NEK4: variants seen among roughly 807,000 people sequenced by gnomAD.
NEK4 encodes serine/threonine-protein kinase Nek4.
NEK4 carries 86 observed loss-of-function variants against 98.4 expected under a neutral mutation model. That is an observed-to-expected ratio of 0.87 (90% confidence interval 0.73 to 1.05). The LOEUF (loss-of-function observed/expected upper bound fraction) is 1.05, where lower values mean the gene tolerates loss of function less well. NEK4 is among the 50% of genes least tolerant of loss of function. NEK4 has a pLI of 0.00. For synonymous variants in NEK4, 328 were observed against 342.2 expected, an observed-to-expected ratio of 0.96 and a Z score of 0.46; for missense variants, 898 against 950.3, an observed-to-expected ratio of 0.94 and a Z score of 0.72.
At position 52,752,245 on chromosome 3, in the gene NEK4, T is replaced by C. The variant is rs1415474762; in HGVS notation, c.1055A>G (p.Asp352Gly). Reference protein sequence around the residue: ...ASLKAHTCKQDLSNTTELATI... With the variant: ...ASLKAHTCKQGLSNTTELATI... Reference sequence around the variant, plus strand: ...GGCTAGTTCTGTGGTATTGCTCAAGTCCTGTTTGCAGGTATGGGCTTTCAG... The same window carrying C: ...GGCTAGTTCTGTGGTATTGCTCAAGCCCTGTTTGCAGGTATGGGCTTTCAG... Residue 352 changes from aspartate to glycine, a missense_variant, in exon 7 of 16, where the codon GAC (aspartate) becomes GGC (glycine). By Grantham distance (94) the Asp-to-Gly change is moderately conservative. Coordinates refer to ENST00000233027, the MANE Select transcript of NEK4 (RefSeq NM_003157.6). The C allele has an allele frequency of 1.9e-6, 3 of 1,614,098 alleles. No homozygotes were observed. The highest frequency in any genetic ancestry group is 1.1e-5 in the South Asian group (1 of 91,088).
rs563723629 is a variant in NEK4 at position 52,729,744 on chromosome 3, C to CAAA, written c.2433+7839_2433+7841dup. ...AAAAAGATTGCTTCACTTGACTAGCCAAAAAAAAAAAAAAGACTCAAATTA... is the reference window on the plus strand; with the variant it reads ...AAAAAGATTGCTTCACTTGACTAGCCAAAAAAAAAAAAAAAAAGACTCAAATTA... On this transcript the variant is annotated intron_variant, in intron 15 of 15. Transcript: ENST00000233027. Among the ~76,000 whole-genome samples the CAAA allele has an allele frequency of 4.3e-5, 4 of 93,458 alleles. No homozygotes were observed. In the South Asian group the frequency reaches 1.5e-3, roughly 34 times the overall value. 61.3% of individuals were successfully genotyped at this position (93,458 alleles called of 152,430 possible). A position where few individuals can be genotyped will look rare whatever the true frequency, so the allele number is the denominator to read the frequency against.
In NEK4 at chr3:52,766,335, GT is replaced by G; in HGVS notation, c.400del (p.Thr134LeufsTer6). 1 of 1,613,976 alleles carries G rather than the reference GT, an allele frequency of 6.2e-7. No homozygotes were observed. The highest frequency in any genetic ancestry group is 8.5e-7 in the Non-Finnish European group (1 of 1,179,902). On this transcript the variant is annotated frameshift_variant, in exon 3 of 16. Coordinates refer to ENST00000233027, the MANE Select transcript of NEK4 (RefSeq NM_003157.6). LOFTEE classifies it high-confidence loss of function. ...TGTTCTTGTTAGGAAGACATTTTGA[GT>G]TTTCAGATCTCGATGAAGGATGTGT... The part of the protein sequence containing the change: ...EKHILHRDLK[T>X]QNVFLTRTNI...
chr3:52,757,331 G>T (rs538610814), intron 6 of NEK4, among the ~76,000 whole-genome samples: 1 of 152,316 alleles, frequency 6.6e-6, no homozygotes, highest in East Asian at 1.9e-4. Context: ...GCCAAGGCGG[G>T]TGGATTACCT....
chr3:52,755,399 T>G (rs991874075), intron 6 of NEK4, among the ~76,000 whole-genome samples: 2 of 151,836 alleles, frequency 1.3e-5, no homozygotes, highest in Non-Finnish European at 2.9e-5. Flanking sequence ...TATGTACTAT[T>G]AGACCACATT....
intron 15 of NEK4, among the ~76,000 whole-genome samples, chr3:52,726,949 A>C (rs2097365172): frequency 6.7e-6 from 1 of 149,090 alleles, no homozygotes; most frequent in African/African-American, 2.5e-5. Context: ...AACCAACTAG[A>C]TCTAACAGGC....
chr3:52,759,088 C>A (rs1194283198), intron 6 of NEK4, among the ~76,000 whole-genome samples: 1 of 133,174 alleles, frequency 7.5e-6, no homozygotes, highest in Non-Finnish European at 1.6e-5. Flanking sequence ...AAGATCCTCT[C>A]TTAAAAAAAG....
chr3:52,766,359 T>G lies in NEK4; in HGVS notation c.377A>C (p.His126Pro). 6.2e-7 allele frequency: 1 copy of G among 1,612,134 alleles called. No individual in the cohort carries two copies. The highest frequency in any genetic ancestry group is 8.5e-7 in the Non-Finnish European group (1 of 1,178,154). ...AMALQYLHEK[H>P]ILHRDLKTQN... Reference sequence around the variant, plus strand: ...AGTTTTCAGATCTCGATGAAGGATGTGTTTTTCATGTAAATACTGAGGAAA... The same window carrying G: ...AGTTTTCAGATCTCGATGAAGGATGGGTTTTTCATGTAAATACTGAGGAAA... Residue 126 changes from histidine to proline, a missense_variant, in exon 3 of 16, where the codon CAC (histidine) becomes CCC (proline). Physicochemically the swap from His to Pro is moderately conservative, Grantham distance 77 (BLOSUM62 -2). Transcript: ENST00000233027.
chr3:52,727,767 A>T (rs1373616677), intron 15 of NEK4, among the ~76,000 whole-genome samples: 1 of 152,246 alleles, frequency 6.6e-6, no homozygotes, highest in Non-Finnish European at 1.5e-5. Flanking sequence ...CACTGTGCCC[A>T]GTCTAAATAA....
intron 15 of NEK4, among the ~76,000 whole-genome samples, chr3:52,731,807 C>T (rs893839402): frequency 2.0e-5 from 3 of 152,160 alleles, no homozygotes; most frequent in Admixed American, 1.3e-4. Flanking sequence ...GTGTCTCCAC[C>T]CAAATCTCAT....
intron 15 of NEK4, among the ~76,000 whole-genome samples, chr3:52,727,406 A>C (rs1417895564): frequency 6.6e-6 from 1 of 152,256 alleles, no homozygotes; most frequent in African/African-American, 2.4e-5. Flanking sequence ...AGCACACAGA[A>C]TATCTTCTCC....
chr3:52,717,459 T>C (rs1017330072), intron 15 of NEK4, among the ~76,000 whole-genome samples: 5 of 148,622 alleles, frequency 3.4e-5, no homozygotes, highest in Non-Finnish European at 5.9e-5. Context: ...CCCCAGACCA[T>C]AAAGTGAAGA....
At position 52,768,721 on chromosome 3, in the gene NEK4, T is replaced by C. The variant is rs1265160128; in HGVS notation, c.94-117A>G. On this transcript the variant is annotated intron_variant, in intron 1 of 15. Transcript: ENST00000233027. ...AACCAACCTTGTGGAGCCTGTCAGATAACCTATTCATTTTGTTTTTCACCA... is the reference window on the plus strand; with the variant it reads ...AACCAACCTTGTGGAGCCTGTCAGACAACCTATTCATTTTGTTTTTCACCA... The C allele has an allele frequency of 8.2e-6, 7 of 854,316 alleles. No homozygotes were observed. In the East Asian group the frequency reaches 1.2e-4, roughly 15 times the overall value. 52.9% of individuals were successfully genotyped at this position (854,316 alleles called of 1,614,324 possible).
chr3:52,725,372 A>T (rs2577836), intron 15 of NEK4, among the ~76,000 whole-genome samples: 2 of 151,598 alleles, frequency 1.3e-5, no homozygotes, highest in African/African-American at 2.4e-5. Flanking sequence ...AAAATTAGCC[A>T]GGCATGGTGG....
chr3:52,741,599 C>A, intron 12 of NEK4, 100 bp from the exon 13 acceptor site: 1 of 702,464 alleles, frequency 1.4e-6, no homozygotes, highest in Admixed American at 2.3e-5. Flanking sequence ...CAATACGTTC[C>A]TAGGTGCAAT....
At chr3:52,731,478 G>A (rs763062294) in intron 15 of NEK4, among the ~76,000 whole-genome samples, 6 of 152,182 alleles carry the variant, frequency 3.9e-5, no homozygotes, top group South Asian at 2.1e-4. Flanking sequence ...ATAGATCAGC[G>A]GAATAGAAAT....
intron 15 of NEK4, among the ~76,000 whole-genome samples, chr3:52,712,393 T>C (rs2097351307): frequency 4.6e-5 from 7 of 152,204 alleles, no homozygotes; most frequent in Admixed American, 4.6e-4. Context: ...GCTGTGGGGC[T>C]CTGACCCCAT....
Position 52,711,663 on chromosome 3 carries a change from A to G in NEK4, c.*114T>C. On this transcript the variant is annotated 3_prime_UTR_variant, in exon 16 of 16. Coordinates refer to ENST00000233027, the MANE Select transcript of NEK4 (RefSeq NM_003157.6). ...TAGGGAAACGCCAAAGAGATATAAA[A>G]AAGAGATATAAAACAGTGGTGAGTG... is the stretch of plus-strand genomic sequence containing the variant. 1.5e-6 allele frequency: 1 copy of G among 659,948 alleles called. No individual in the cohort carries two copies. Among genetic ancestry groups the G allele is most frequent in the Non-Finnish European group, 2.7e-6 (1 of 365,146 alleles). 40.9% of individuals were successfully genotyped at this position (659,948 alleles called of 1,614,324 possible). A position where few individuals can be genotyped will look rare whatever the true frequency, so the allele number is the denominator to read the frequency against.
At position 52,749,682 on chromosome 3, in the gene NEK4, C is replaced by T. The variant is rs1172661192; in HGVS notation, c.1506+10G>A. ...AACCCCATCTCTGCTAGAAAAACTG[C>T]AAAAATTACCTGGGCGTGGTGGCAC... On this transcript the variant is annotated intron_variant, in intron 8 of 15. Coordinates refer to ENST00000233027, the MANE Select transcript of NEK4 (RefSeq NM_003157.6). The T allele has an allele frequency of 7.8e-6, 2 of 256,908 alleles. No individual in the cohort carries two copies. The highest frequency in any genetic ancestry group is 5.0e-5 in the Admixed American group (1 of 20,032). The allele number at this position is 256,908 out of a possible 1,614,324, so 15.9% of individuals were successfully genotyped here.
At chr3:52,753,060 G>A (rs2097408410) in intron 6 of NEK4, among the ~76,000 whole-genome samples, 1 of 151,396 alleles carries the variant, frequency 6.6e-6, no homozygotes, top group Non-Finnish European at 1.5e-5. Context: ...CAAGTGTGGT[G>A]GCTCACACCT....
Sources: gnomAD v4.1 joint callset for allele counts (sites outside exome capture counted in the v4.1 genomes callset) on GRCh38, gnomAD v4.1.1 for gene constraint, MANE v1.5 for transcripts, NCBI Gene and HGNC (gene_info 2026-07-23, HGNC 2026-07-21) for gene names.